DHX8: variants seen among roughly 807,000 people sequenced by gnomAD.
DHX8 encodes DEAH-box helicase 8.
Under a neutral mutation model 140.7 loss-of-function variants are expected in DHX8, and 67 were observed. The ratio of observed to expected loss-of-function variants is 0.48; its 90% confidence interval spans 0.39 to 0.58. DHX8 has a LOEUF of 0.58. Ranked by LOEUF, DHX8 falls within the 20% of genes least tolerant of loss-of-function variation. The probability of loss-of-function intolerance (pLI) is 0.00; values close to 1 mark genes in which losing one functional copy is unlikely to be tolerated. For synonymous variants in DHX8, 533 were observed against 553.2 expected (o/e 0.96, Z 0.51); for missense variants, 887 against 1,550.7 (o/e 0.57, Z 7.19).
At chr17:43,527,031 A>G (rs1482065336), downstream of DHX8, among the ~76,000 whole-genome samples, 1 of 152,054 alleles carries the variant, frequency 6.6e-6, no homozygotes, top group Non-Finnish European at 1.5e-5. Flanking sequence ...TTACCTGAGC[A>G]TGTCTCCTGG....
downstream of DHX8, chr17:43,530,066 C>G (rs773060276): frequency 1.8e-5 from 29 of 1,611,052 alleles, no homozygotes; most frequent in East Asian, 4.5e-5. Context: ...GCTCCCTCCC[C>G]CAACATGGAG....
chr17:43,500,817 A>G (rs888028139), intron 11 of DHX8, among the ~76,000 whole-genome samples: 2 of 152,076 alleles, frequency 1.3e-5, no homozygotes, highest in Non-Finnish European at 2.9e-5. Context: ...AGACTGAGGC[A>G]GGGGAATCGC....
At chr17:43,500,144 C>T in intron 11 of DHX8, 41 bp downstream of exon 11, 1 of 1,598,164 alleles carries the variant, frequency 6.3e-7, no homozygotes, top group Non-Finnish European at 8.5e-7. Context: ...GTTTAAAAAT[C>T]TGAGCCTTTC....
intron 3 of DHX8, 41 bp from the exon 4 acceptor site, chr17:43,491,124 A>C (rs920211128): frequency 6.7e-6 from 6 of 892,472 alleles, no homozygotes; most frequent in African/African-American, 5.1e-5. Context: ...TTAAATATAT[A>C]TCTCTTTTTT....
chr17:43,510,053 G>A (rs1298616851), intron 16 of DHX8, among the ~76,000 whole-genome samples: 1 of 151,062 alleles, frequency 6.6e-6, no homozygotes, highest in Non-Finnish European at 1.5e-5. Flanking sequence ...TTGTTTGTTT[G>A]TTTGTTTGTT....
At chr17:43,538,688 A>G (rs1170406446) in intron 3 of DHX8, among the ~76,000 whole-genome samples, 1 of 152,188 alleles carries the variant, frequency 6.6e-6, no homozygotes, top group East Asian at 1.9e-4. Context: ...CCCTCTCTCA[A>G]AAATAAATGG....
chr17:43,504,941 CA>C, intron 12 of DHX8, 116 bp downstream of exon 12: 1 of 967,300 alleles, frequency 1.0e-6, no homozygotes, highest in East Asian at 2.6e-5. Flanking sequence ...GTGGCTCATC[CA>C]AAAGAGTTAA....
intron 22 of DHX8, among the ~76,000 whole-genome samples, chr17:43,523,415 TA>T (rs1970483858): frequency 6.6e-6 from 1 of 152,242 alleles, no homozygotes; most frequent in Non-Finnish European, 1.5e-5. Flanking sequence ...AGGACTAGAA[TA>T]CATTCTCCTG....
Position 43,492,198 on chromosome 17 carries a change from G to A in DHX8, c.409G>A (p.Asp137Asn), listed in dbSNP as rs966420264. The change falls in exon 5 of 23, where the codon GAT becomes AAT. Residue 137 changes from aspartate (D) to asparagine (N), a missense_variant. By Grantham distance (23) the Asp-to-Asn change is conservative. Coordinates refer to ENST00000262415, the MANE Select transcript of DHX8 (RefSeq NM_004941.3). The stretch of plus-strand genomic sequence containing the variant: ...ACCTCTGCAGACCATGTTGGATGAA[G>A]ATGATGTGAAAGTTGCTGTGGATGT... Reference protein sequence around the residue: ...NPSVRTMLDEDDVKVAVDVLK... With the variant: ...NPSVRTMLDENDVKVAVDVLK... 6 of 1,613,982 alleles carry A rather than the reference G, an allele frequency of 3.7e-6. No homozygotes were observed. Among genetic ancestry groups the A allele is most frequent in the South Asian group, 3.3e-5 (3 of 91,092 alleles).
At chr17:43,484,870 TG>T (rs1968039505) in intron 1 of DHX8, among the ~76,000 whole-genome samples, 1 of 152,156 alleles carries the variant, frequency 6.6e-6, no homozygotes, top group Admixed American at 6.5e-5. Context: ...CTCGAACTTC[TG>T]GGCTCAAGCA....
At chr17:43,542,970 C>T (rs1971596673) in intron 3 of DHX8, among the ~76,000 whole-genome samples, 1 of 152,158 alleles carries the variant, frequency 6.6e-6, no homozygotes, top group South Asian at 2.1e-4. Flanking sequence ...GGGTCACTGA[C>T]CTGGTGGGAA....
downstream of DHX8, among the ~76,000 whole-genome samples, chr17:43,527,254 C>T (rs1970644480): frequency 1.3e-5 from 2 of 152,210 alleles, 1 homozygote; most frequent in South Asian, 4.1e-4. Context: ...AAGATCTAAT[C>T]TCCACTGGCC....
At position 43,533,939 on chromosome 17, in the gene DHX8, A is replaced by G. The variant is rs763887615; in HGVS notation, c.351-2473A>G. The G allele has an allele frequency of 1.7e-5, 27 of 1,549,662 alleles. No homozygotes were observed. The Admixed American group carries it at 4.7e-4, about 27-fold the overall frequency. On this transcript the variant is annotated intron_variant, in intron 2 of 3. Transcript: ENST00000589898. ...AGGACAGGGCCGGGTCTGTGCGGGG[A>G]CTCTGGGGCTCCTTCTTGATCCTGG... is the stretch of plus-strand genomic sequence containing the variant.
chr17:43,493,234 C>T (rs746922192), intron 6 of DHX8, among the ~76,000 whole-genome samples, 194 bp downstream of exon 6: 9 of 152,180 alleles, frequency 5.9e-5, no homozygotes, highest in Non-Finnish European at 1.2e-4. Context: ...GGAGATCTGT[C>T]CTTTGCTTGT....
In DHX8 at chr17:43,524,160, G is replaced by A. The variant is rs1970519052; in HGVS notation, c.*313G>A. On this transcript the variant is annotated 3_prime_UTR_variant, in exon 23 of 23. Transcript: ENST00000262415. ...CAGCTCCAGGATGGGAAGGTGGAGT[G>A]GGTGAGCATCTTGTGCAGGGACATG... is the stretch of plus-strand genomic sequence containing the variant. The A allele has an allele frequency of 8.2e-7, 1 of 1,221,096 alleles. No individual in the cohort carries two copies. The highest frequency in any genetic ancestry group is 1.6e-5 in the African/African-American group (1 of 64,400). The allele number at this position is 1,221,096 out of a possible 1,614,324, so 75.6% of individuals were successfully genotyped here.
chr17:43,519,827 G>A, intron 18 of DHX8: 1 of 243,720 alleles, frequency 4.1e-6, no homozygotes, highest in Non-Finnish European at 8.0e-6. Flanking sequence ...TATAATCCCA[G>A]CTACTTGGGA....
chr17:43,536,329 G>A, intron 2 of DHX8: 3 of 1,094,614 alleles, frequency 2.7e-6, no homozygotes. Context: ...CTGTGTTTTA[G>A]GAGAGAACAA....
chr17:43,490,469 C>G lies in DHX8; in HGVS notation c.307+6C>G. 1 of 1,610,920 alleles carries G rather than the reference C, an allele frequency of 6.2e-7. No individual in the cohort carries two copies. Among genetic ancestry groups the G allele is most frequent in the Non-Finnish European group, 8.5e-7 (1 of 1,177,752 alleles). ...GAAGCCTTCCACTAGCAAAGGTAAG[C>G]AGAGCTTCCAGCTGAGCTTAGCTTC... On this transcript the variant is annotated splice_donor_region_variant and intron_variant, in intron 3 of 22. Coordinates refer to ENST00000262415, the MANE Select transcript of DHX8 (RefSeq NM_004941.3).
downstream of DHX8, chr17:43,525,969 AGGT>A: frequency 3.0e-6 from 3 of 985,450 alleles, no homozygotes; most frequent in Non-Finnish European, 3.6e-6. Context: ...TTTCTGGCTC[AGGT>A]GGAGGAAAAA....
Sources: allele counts gnomAD v4.1 joint callset (sites outside exome capture counted in the v4.1 genomes callset), GRCh38; gene constraint gnomAD v4.1.1; transcripts MANE v1.5; gene names NCBI Gene and HGNC (gene_info 2026-07-23, HGNC 2026-07-21).